MYLK3: variants seen among roughly 807,000 people sequenced by gnomAD.
The protein encoded by MYLK3 is myosin light chain kinase 3.
MYLK3 carries 55 observed loss-of-function variants against 76.3 expected under a neutral mutation model. That is an observed-to-expected ratio of 0.72 (90% confidence interval 0.58 to 0.90). The LOEUF is 0.90. Among genes scored for constraint, MYLK3 ranks in the 40% least tolerant of loss-of-function variants. The pLI, the probability that MYLK3 is intolerant of heterozygous loss-of-function variation, is 0.00. For missense variants in MYLK3, 973 were observed against 1,053.6 expected (o/e 0.92, Z 1.06); for synonymous variants, 416 against 425.4 (o/e 0.98, Z 0.27).
At position 46,703,832 on chromosome 16, in the gene MYLK3, C is replaced by T. The variant is rs1966599655; in HGVS notation, c.*3872G>A. On this transcript the variant is annotated 3_prime_UTR_variant, in exon 13 of 13. Transcript: ENST00000394809. ...GATACAGGATTCTCTCTAGATCTGC[C>T]CTGTCCAATATAGATGCCACTAACC... The T allele has an allele frequency of 6.5e-6, 1 of 153,650 alleles. No homozygotes were observed. Among genetic ancestry groups the T allele is most frequent in the Admixed American group, 6.5e-5 (1 of 15,270 alleles). The allele number at this position is 153,650 out of a possible 1,614,324, so 9.5% of individuals were successfully genotyped here. A position where few individuals can be genotyped will look rare whatever the true frequency, so the allele number is the denominator to read the frequency against.
chr16:46,709,458 A>G (rs985402628), intron 12 of MYLK3, 81 bp downstream of exon 12: 40 of 1,398,200 alleles, frequency 2.9e-5, no homozygotes, highest in Non-Finnish European at 3.6e-5. Flanking sequence ...AAAAAAAAAG[A>G]AAAGGAAACT....
chr16:46,729,942 C>A (rs976873979), intron 5 of MYLK3: 4 of 564,800 alleles, frequency 7.1e-6, no homozygotes, highest in African/African-American at 5.8e-5. Flanking sequence ...CCATCCTGCA[C>A]CCGAAGGAAC....
At position 46,715,636 on chromosome 16, in the gene MYLK3, C is replaced by T. The variant is rs903167015; in HGVS notation, c.1986-2860G>A. Reference sequence around the variant, plus strand: ...ACTCCCAAAATGTTTAAGATAATTTCCATTGTGTCTCCAGCCTTAACCCTG... The same window carrying T: ...ACTCCCAAAATGTTTAAGATAATTTTCATTGTGTCTCCAGCCTTAACCCTG... On this transcript the variant is annotated intron_variant, in intron 9 of 12. Coordinates refer to ENST00000394809, the MANE Select transcript of MYLK3 (RefSeq NM_182493.3). Among the ~76,000 whole-genome samples, 44 of 152,134 alleles carry T rather than the reference C, an allele frequency of 2.9e-4. 1 individual carries two copies. Among genetic ancestry groups the T allele is most frequent in the Admixed American group, 2.5e-3 (38 of 15,264 alleles).
chr16:46,760,387 G>A (rs555949915), intron 1 of MYLK3, among the ~76,000 whole-genome samples: 9 of 152,310 alleles, frequency 5.9e-5, no homozygotes, highest in African/African-American at 9.6e-5. Context: ...CAGCCCTACC[G>A]TGGGCAGGCC....
rs1226286977 is a variant in MYLK3, at chr16:46,704,137, T to A, written c.*3567A>T. 1.3e-5 allele frequency: 2 copies of A among 152,214 alleles called. No homozygotes were observed. Among genetic ancestry groups the A allele is most frequent in the African/African-American group, 2.4e-5 (1 of 41,436 alleles). 9.4% of individuals were successfully genotyped at this position (152,214 alleles called of 1,614,324 possible). A position where few individuals can be genotyped will look rare whatever the true frequency, so the allele number is the denominator to read the frequency against. ...TTTTTTGTCAGGGGTGGGGACAAAG[T>A]TTTGCTCTGCCACCCAGGCTGGAGT... is the stretch of plus-strand genomic sequence containing the variant. On this transcript the variant is annotated 3_prime_UTR_variant, in exon 13 of 13. Coordinates refer to ENST00000394809, the MANE Select transcript of MYLK3 (RefSeq NM_182493.3).
At chr16:46,711,823 A>G in intron 10 of MYLK3, 1 of 228,200 alleles carries the variant, frequency 4.4e-6, no homozygotes, top group Non-Finnish European at 9.2e-6. Context: ...AATACCCCCT[A>G]GATGAAATAA....
intron 10 of MYLK3, 86 bp from the exon 11 acceptor site, chr16:46,710,875 A>G (rs894023800): frequency 2.0e-6 from 3 of 1,534,054 alleles, no homozygotes; most frequent in Non-Finnish European, 2.7e-6. Flanking sequence ...ACAGAGTTCA[A>G]GTGGACCTAG....
At chr16:46,734,041 G>C (rs950769570) in intron 3 of MYLK3, among the ~76,000 whole-genome samples, 4 of 152,170 alleles carry the variant, frequency 2.6e-5, no homozygotes, top group Admixed American at 6.5e-5. Context: ...GCATGTTTCA[G>C]CAACTCCACT....
At chr16:46,762,926 G>C in intron 1 of MYLK3, 3 of 820,774 alleles carry the variant, frequency 3.7e-6, no homozygotes, top group Non-Finnish European at 2.9e-6. Context: ...CATTTTTCTT[G>C]TCGTTTTTGA....
chr16:46,752,296 C>T (rs1382741485), upstream of MYLK3, among the ~76,000 whole-genome samples: 4 of 152,074 alleles, frequency 2.6e-5, no homozygotes, highest in Non-Finnish European at 5.9e-5. Flanking sequence ...AGTGCAATGG[C>T]ACAACCACAG....
chr16:46,708,061 A>G (rs1373988390), intron 12 of MYLK3, among the ~76,000 whole-genome samples: 1 of 151,840 alleles, frequency 6.6e-6, no homozygotes, highest in Non-Finnish European at 1.5e-5. Context: ...GCTGGAGTGC[A>G]GTGGCGTGAT....
intron 4 of MYLK3, among the ~76,000 whole-genome samples, chr16:46,731,743 C>A (rs1186432410): frequency 6.6e-6 from 1 of 152,164 alleles, no homozygotes; most frequent in Admixed American, 6.5e-5. Context: ...TTCTCTCTCT[C>A]AATCCAAAAT....
upstream of MYLK3, among the ~76,000 whole-genome samples, chr16:46,748,710 G>A (rs777364607): frequency 1.2e-4 from 19 of 152,168 alleles, no homozygotes; most frequent in Non-Finnish European, 2.2e-4. This position sits in a 1 kb window ranked among gnomAD's most constrained non-coding sequence, Gnocchi z 4.3. Flanking sequence ...AAGACAGAAA[G>A]GAATGTGAGA....
In MYLK3 at chr16:46,715,885, T is replaced by C. The variant is rs185231798; in HGVS notation, c.1986-3109A>G. Among the ~76,000 whole-genome samples, 120 of 152,356 alleles carry C rather than the reference T, an allele frequency of 7.9e-4. 1 individual carries two copies. The highest frequency in any genetic ancestry group is 2.5e-3 in the African/African-American group (103 of 41,580). On this transcript the variant is annotated intron_variant, in intron 9 of 12. Transcript: ENST00000394809. The stretch of plus-strand genomic sequence containing the variant: ...ACAAACATTTATTTATTCTGCAGCA[T>C]GGAATATGCTTCCTTAACCTGCAAA...
rs1465700830 is a variant in MYLK3 at position 46,704,418 on chromosome 16, G to A, written c.*3286C>T. 1.3e-5 allele frequency: 2 copies of A among 151,970 alleles called. No homozygotes were observed. Among genetic ancestry groups the A allele is most frequent in the African/African-American group, 4.8e-5 (2 of 41,354 alleles). 9.4% of individuals were successfully genotyped at this position (151,970 alleles called of 1,614,324 possible). ...TAAGTGTAAAATATACCAGATTTTT[G>A]AGACTTAGTATGAGAAAAAGAATAT... On this transcript the variant is annotated 3_prime_UTR_variant, in exon 13 of 13. Coordinates refer to ENST00000394809, the MANE Select transcript of MYLK3 (RefSeq NM_182493.3).
At chr16:46,750,848 C>T (rs1262166466), upstream of MYLK3, among the ~76,000 whole-genome samples, 1 of 151,234 alleles carries the variant, frequency 6.6e-6, no homozygotes, top group Non-Finnish European at 1.5e-5. Context: ...AAAAAATTAG[C>T]CGGGTGTGGT....
intron 1 of MYLK3, among the ~76,000 whole-genome samples, chr16:46,754,783 G>A (rs1967175614): frequency 6.6e-6 from 1 of 152,212 alleles, no homozygotes; most frequent in Non-Finnish European, 1.5e-5. Context: ...TGGAAGAGAG[G>A]CTGGATGTCA....
At chr16:46,725,267 C>T (rs564689871) in intron 8 of MYLK3, among the ~76,000 whole-genome samples, 3 of 152,192 alleles carry the variant, frequency 2.0e-5, no homozygotes, top group African/African-American at 2.4e-5. Flanking sequence ...AATCTGAATG[C>T]CTTTTATTTT....
intron 9 of MYLK3, among the ~76,000 whole-genome samples, chr16:46,713,120 C>T (rs1324025363): frequency 6.6e-6 from 1 of 150,968 alleles, no homozygotes; most frequent in Non-Finnish European, 1.5e-5. Context: ...TTCAGTTTTG[C>T]AAGATGAAAA....
Sources: gnomAD v4.1 joint callset for allele counts (sites outside exome capture counted in the v4.1 genomes callset) on GRCh38, gnomAD v4.1.1 for gene constraint, Gnocchi (gnomAD v3.1) non-coding constraint, MANE v1.5 for transcripts, NCBI Gene and HGNC (gene_info 2026-07-23, HGNC 2026-07-21) for gene names.